Variants in FAM227A observed in about 807,000 individuals in gnomAD.
The protein encoded by FAM227A is family with sequence similarity 227 member A, also known as protein FAM227A.
Under a neutral mutation model 74.7 loss-of-function variants are expected in FAM227A, and 80 were observed. That is an observed-to-expected ratio of 1.07 (90% confidence interval 0.89 to 1.29). The LOEUF (loss-of-function observed/expected upper bound fraction) is 1.29, where lower values mean the gene tolerates loss of function less well. FAM227A is among the 50% of genes most tolerant of loss of function. FAM227A has a pLI of 0.00. For synonymous variants in FAM227A, 237 were observed against 241.8 expected (o/e 0.98, Z 0.19); for missense variants, 654 against 683.4 (o/e 0.96, Z 0.48).
intron 2 of FAM227A, among the ~76,000 whole-genome samples, chr22:38,649,424 G>A (rs2092290727): frequency 6.6e-6 from 1 of 151,394 alleles, no homozygotes; most frequent in Non-Finnish European, 1.5e-5. Context: ...AAATTAGCTG[G>A]ACATGGTGAC....
intron 1 of FAM227A, among the ~76,000 whole-genome samples, chr22:38,650,485 T>C (rs947949978): frequency 4.6e-5 from 7 of 152,068 alleles, no homozygotes; most frequent in Non-Finnish European, 1.0e-4. Context: ...CCCTCCCCCA[T>C]GATGAAAATT....
At chr22:38,632,978 C>G (rs2091941386) in intron 6 of FAM227A, among the ~76,000 whole-genome samples, 6 of 152,122 alleles carry the variant, frequency 3.9e-5, no homozygotes, top group Admixed American at 3.9e-4. Context: ...CCAAGAAGTC[C>G]CAGGCGAGGG....
chr22:38,636,688 T>TAGGG, intron 5 of FAM227A, 91 bp from the exon 6 acceptor site: 4 of 1,170,132 alleles, frequency 3.4e-6, no homozygotes, highest in Non-Finnish European at 3.6e-6. Flanking sequence ...ATGAAGACAA[T>TAGGG]ATAACAACCT....
intron 11 of FAM227A, among the ~76,000 whole-genome samples, chr22:38,612,987 C>A (rs975760020): frequency 4.9e-5 from 7 of 141,936 alleles, no homozygotes; most frequent in Non-Finnish European, 3.0e-5. Context: ...CTTACAGAGG[C>A]CTTCTTTCAC....
intron 6 of FAM227A, among the ~76,000 whole-genome samples, chr22:38,633,132 G>A (rs976071499): frequency 6.6e-6 from 1 of 152,210 alleles, no homozygotes; most frequent in African/African-American, 2.4e-5. Flanking sequence ...GGTAACGGAG[G>A]AGAGGATTTG....
intron 11 of FAM227A, among the ~76,000 whole-genome samples, chr22:38,609,429 T>C (rs1487349232): frequency 1.3e-5 from 2 of 152,170 alleles, no homozygotes; most frequent in African/African-American, 2.4e-5. Context: ...GAGAGTATCA[T>C]GGGAAGCTAG....
At chr22:38,608,134 C>T (rs1036882090) in intron 11 of FAM227A, among the ~76,000 whole-genome samples, 2 of 118,008 alleles carry the variant, frequency 1.7e-5, no homozygotes, top group Non-Finnish European at 3.3e-5. Flanking sequence ...TCCTGGGCAA[C>T]ATAGTGAGAC....
At position 38,639,729 on chromosome 22, in the gene FAM227A, A is replaced by G; in HGVS notation, c.226-5T>C. 7 of 1,537,690 alleles carry G rather than the reference A, an allele frequency of 4.6e-6. No individual in the cohort carries two copies. The highest frequency in any genetic ancestry group is 5.3e-6 in the Non-Finnish European group (6 of 1,134,110). On this transcript the variant is annotated splice_region_variant and splice_polypyrimidine_tract_variant and intron_variant, in intron 3 of 16. Transcript: ENST00000535113. ...CAACTCAAATCTCTCAATTGCCTTCAAAAACCAAGAAAAAGGGGGGCATTA... is the reference window on the plus strand; with the variant it reads ...CAACTCAAATCTCTCAATTGCCTTCGAAAACCAAGAAAAAGGGGGGCATTA...
chr22:38,587,771 T>C (rs1271231942), intron 16 of FAM227A, among the ~76,000 whole-genome samples: 1 of 151,968 alleles, frequency 6.6e-6, no homozygotes, highest in East Asian at 1.9e-4. Context: ...GACAAAGAAA[T>C]GACAAGAAAA....
chr22:38,633,406 T>C (rs1470558143), intron 6 of FAM227A, among the ~76,000 whole-genome samples: 2 of 152,130 alleles, frequency 1.3e-5, no homozygotes, highest in Non-Finnish European at 2.9e-5. Context: ...CGCAAATGAA[T>C]TGTGAACACT....
At chr22:38,631,636 CAT>C (rs759987156) in intron 6 of FAM227A, among the ~76,000 whole-genome samples, 6 of 152,110 alleles carry the variant, frequency 3.9e-5, no homozygotes, top group Non-Finnish European at 8.8e-5. Flanking sequence ...GCACTTGACA[CAT>C]GTGGGGTACT....
intron 16 of FAM227A, among the ~76,000 whole-genome samples, chr22:38,591,035 G>A (rs933205104): frequency 6.6e-6 from 1 of 152,098 alleles, no homozygotes; most frequent in East Asian, 1.9e-4. Context: ...CGCCCACCTC[G>A]GCCTCCCAAA....
intron 11 of FAM227A, among the ~76,000 whole-genome samples, chr22:38,616,832 C>T (rs1206116031): frequency 2.0e-5 from 3 of 151,956 alleles, no homozygotes; most frequent in Non-Finnish European, 4.4e-5. Context: ...GGCATCTCTA[C>T]TTGGGAAGCT....
intron 3 of FAM227A, among the ~76,000 whole-genome samples, chr22:38,645,260 ACG>A (rs1278515373): frequency 4.0e-5 from 6 of 151,690 alleles, no homozygotes; most frequent in African/African-American, 9.7e-5. Context: ...GCATGGTGGC[ACG>A]CACCTGTAGT....
chr22:38,628,399 G>A, intron 7 of FAM227A, 57 bp from the exon 8 acceptor site: 1 of 1,077,434 alleles, frequency 9.3e-7, no homozygotes, highest in Middle Eastern at 2.0e-4. Context: ...AAACAACTGA[G>A]GGGCTGGGAT....
At position 38,623,291 on chromosome 22, in the gene FAM227A, G is replaced by T; in HGVS notation, c.851-12C>A. 1 of 1,535,962 alleles carries T rather than the reference G, an allele frequency of 6.5e-7. No homozygotes were observed. Among genetic ancestry groups the T allele is most frequent in the Non-Finnish European group, 8.8e-7 (1 of 1,132,808 alleles). On this transcript the variant is annotated splice_polypyrimidine_tract_variant and intron_variant, in intron 9 of 16. Coordinates refer to ENST00000535113, the MANE Select transcript of FAM227A (RefSeq NM_001013647.2). ...GCTAGGATAGGTGCCTAAGGGAGGAGTCAAGAGTGAGAATGGGGCCGGGTG... is the reference window on the plus strand; with the variant it reads ...GCTAGGATAGGTGCCTAAGGGAGGATTCAAGAGTGAGAATGGGGCCGGGTG...
chr22:38,634,090 G>A (rs1288194566), intron 6 of FAM227A, among the ~76,000 whole-genome samples: 2 of 151,782 alleles, frequency 1.3e-5, no homozygotes, highest in African/African-American at 2.4e-5. Context: ...CATGGTGGCT[G>A]CATATCTGTA....
In FAM227A at chr22:38,611,793, T is replaced by C. The variant is rs577405257; in HGVS notation, c.1039-4317A>G. Among the ~76,000 whole-genome samples, 8 of 152,254 alleles carry C rather than the reference T, an allele frequency of 5.3e-5. No individual in the cohort carries two copies. In the South Asian group the frequency reaches 1.7e-3, roughly 32 times the overall value. On this transcript the variant is annotated intron_variant, in intron 11 of 16. Coordinates refer to ENST00000535113, the MANE Select transcript of FAM227A (RefSeq NM_001013647.2). ...GAAATTGTTCTCTCTGTAAGCCAGGTCTCTCCTCCAAAGTCCAGTCTTGTA... is the reference window on the plus strand; with the variant it reads ...GAAATTGTTCTCTCTGTAAGCCAGGCCTCTCCTCCAAAGTCCAGTCTTGTA...
At chr22:38,638,323 C>A (rs1443173068) in intron 5 of FAM227A, among the ~76,000 whole-genome samples, 1 of 152,322 alleles carries the variant, frequency 6.6e-6, no homozygotes, top group Admixed American at 6.5e-5. Flanking sequence ...CTGCATGACC[C>A]TGTGACAAGT....
Sources: allele counts gnomAD v4.1 joint callset (sites outside exome capture counted in the v4.1 genomes callset), GRCh38; gene constraint gnomAD v4.1.1; transcripts MANE v1.5; gene names NCBI Gene and HGNC (gene_info 2026-07-23, HGNC 2026-07-21).